Variants in XKR4 observed in about 807,000 individuals in gnomAD.
The protein encoded by XKR4 is XK-related protein 4.
In XKR4, 12 loss-of-function variants were observed where a neutral mutation model predicts 53.9. The observed-to-expected ratio is 0.22, with a 90% CI of 0.14 to 0.36. XKR4 has a LOEUF of 0.36. Ranked by LOEUF, XKR4 falls within the 10% of genes least tolerant of loss-of-function variation. The pLI is 1.00. For synonymous variants in XKR4, 354 were observed against 362.4 expected (o/e 0.98, Z 0.26); for missense variants, 799 against 859.5 (o/e 0.93, Z 0.88).
chr8:55,499,964 G>T (rs936831330), intron 2 of XKR4, among the ~76,000 whole-genome samples: 2 of 152,102 alleles, frequency 1.3e-5, no homozygotes, highest in Non-Finnish European at 2.9e-5. Flanking sequence ...TAAGAGGAAA[G>T]AAAATAATAG....
chr8:55,523,964 G>T lies in XKR4; in HGVS notation c.1690G>T (p.Ala564Ser). The change falls in exon 3 of 3, where the codon GCA (alanine) becomes TCA (serine). Residue 564 changes from alanine to serine, a missense_variant. This residue lies in a region of XKR4 where 269 missense variants were observed against 264.4 expected (regional missense o/e 1.02). Coordinates refer to ENST00000327381, the MANE Select transcript of XKR4 (RefSeq NM_052898.2). ...SVVSDRDQKF[A>S]ERDGCVPVFQ... ...TGTCAGCGACCGCGATCAGAAATTC[G>T]CAGAGCGGGATGGGTGTGTACCTGT... 6.2e-7 allele frequency: 1 copy of T among 1,614,160 alleles called. No individual in the cohort carries two copies. The highest frequency in any genetic ancestry group is 8.5e-7 in the Non-Finnish European group (1 of 1,180,028).
At chr8:55,436,548 T>C (rs1470099321) in intron 2 of XKR4, among the ~76,000 whole-genome samples, 1 of 152,204 alleles carries the variant, frequency 6.6e-6, no homozygotes, top group Non-Finnish European at 1.5e-5. Context: ...GGAAAAACAT[T>C]TGGACTTCCT....
intron 1 of XKR4, among the ~76,000 whole-genome samples, chr8:55,334,517 G>A (rs1040703502): frequency 6.6e-6 from 1 of 152,120 alleles, no homozygotes; most frequent in Admixed American, 6.6e-5. Context: ...AGCACTTAGT[G>A]TTTTAACCAG....
intron 1 of XKR4, among the ~76,000 whole-genome samples, chr8:55,356,530 T>G (rs1407932858): frequency 2.0e-5 from 3 of 152,202 alleles, no homozygotes; most frequent in Non-Finnish European, 4.4e-5. Context: ...TCAAACAAAC[T>G]TAAAAAATTG....
At chr8:55,123,895 A>G (rs949141972) in intron 1 of XKR4, among the ~76,000 whole-genome samples, 3 of 152,224 alleles carry the variant, frequency 2.0e-5, no homozygotes, top group Non-Finnish European at 4.4e-5. Flanking sequence ...TTTACAGTTA[A>G]CAATTCTCAT....
chr8:55,137,944 A>G (rs985010223), intron 1 of XKR4, among the ~76,000 whole-genome samples: 5 of 152,154 alleles, frequency 3.3e-5, no homozygotes, highest in African/African-American at 7.2e-5. Flanking sequence ...ATTATCTAGT[A>G]TAAAGGGCAC....
chr8:55,292,482 G>C (rs1443685311), intron 1 of XKR4, among the ~76,000 whole-genome samples: 1 of 151,938 alleles, frequency 6.6e-6, no homozygotes, highest in Non-Finnish European at 1.5e-5. Flanking sequence ...GATGTCTGTG[G>C]GGTCTGTAGT....
At chr8:55,453,728 G>A (rs573478090) in intron 2 of XKR4, 6 of 384,026 alleles carry the variant, frequency 1.6e-5, no homozygotes, top group South Asian at 6.3e-5. Flanking sequence ...GTTGTGCATC[G>A]CCAAGTCTGG....
intron 1 of XKR4, among the ~76,000 whole-genome samples, chr8:55,127,061 TAGTGGGTTGCATGG>T (rs1485675440): frequency 2.0e-5 from 3 of 152,160 alleles, no homozygotes; most frequent in Non-Finnish European, 4.4e-5. Context: ...AGTCCTGTGC[TAGTGGGTTGCATGG>T]AGTACTGTGG....
At chr8:55,358,498 C>T (rs893792037) in intron 2 of XKR4, among the ~76,000 whole-genome samples, 2 of 152,138 alleles carry the variant, frequency 1.3e-5, no homozygotes, top group African/African-American at 4.8e-5. Flanking sequence ...TGTGCTTTCT[C>T]ATATTTGATG....
At chr8:55,245,642 T>C (rs1818274787) in intron 1 of XKR4, among the ~76,000 whole-genome samples, 1 of 152,178 alleles carries the variant, frequency 6.6e-6, no homozygotes, top group South Asian at 2.1e-4. Flanking sequence ...TCTTAAATTT[T>C]CCACAGAAGC....
At chr8:55,373,655 C>G (rs1804108403) in intron 2 of XKR4, among the ~76,000 whole-genome samples, 1 of 152,076 alleles carries the variant, frequency 6.6e-6, no homozygotes, top group African/African-American at 2.4e-5. Context: ...TTTAAAAAAT[C>G]TAAAATATAT....
At chr8:55,410,986 C>T (rs1211377207) in intron 2 of XKR4, among the ~76,000 whole-genome samples, 3 of 152,210 alleles carry the variant, frequency 2.0e-5, no homozygotes, top group Non-Finnish European at 4.4e-5. Flanking sequence ...CGTGCCTCTG[C>T]CAGGAAGGCC....
rs189316575 is a variant in XKR4 at position 55,355,260 on chromosome 8, G to T, written c.807-2418G>T. ...CAGACATGAAAACTCAACTGGAAGG[G>T]ATATGGCACTATACACACACCACAG... On this transcript the variant is annotated intron_variant, in intron 1 of 2. Coordinates refer to ENST00000327381, the MANE Select transcript of XKR4 (RefSeq NM_052898.2). 1.9e-3 allele frequency among the ~76,000 whole-genome samples: 289 copies of T among 152,062 alleles called. 3 individuals carry two copies. Among genetic ancestry groups the T allele is most frequent in the Non-Finnish European group, 2.3e-3 (155 of 67,982 alleles).
intron 2 of XKR4, among the ~76,000 whole-genome samples, chr8:55,474,061 C>T (rs1805937359): frequency 6.6e-6 from 1 of 152,048 alleles, no homozygotes; most frequent in Non-Finnish European, 1.5e-5. Flanking sequence ...CACATCACCA[C>T]ACCCAACTGA....
At chr8:55,157,985 C>T (rs1005293083) in intron 1 of XKR4, among the ~76,000 whole-genome samples, 1 of 152,190 alleles carries the variant, frequency 6.6e-6, no homozygotes, top group African/African-American at 2.4e-5. Flanking sequence ...CATACGTGTG[C>T]ATGTGTCTTT....
intron 1 of XKR4, among the ~76,000 whole-genome samples, chr8:55,212,571 A>G (rs1048906166): frequency 6.6e-6 from 1 of 152,180 alleles, no homozygotes; most frequent in Admixed American, 6.6e-5. Context: ...GGCCTAAACT[A>G]GTACTTCAGG....
chr8:55,110,135 G>C (rs1379408571), intron 1 of XKR4, among the ~76,000 whole-genome samples: 1 of 152,136 alleles, frequency 6.6e-6, no homozygotes, highest in Non-Finnish European at 1.5e-5. Context: ...CACATAAAAG[G>C]CTCAGTATGG....
chr8:55,491,754 T>C (rs1014942335), intron 2 of XKR4, among the ~76,000 whole-genome samples: 4 of 152,022 alleles, frequency 2.6e-5, no homozygotes, highest in African/African-American at 4.8e-5. Context: ...CCTCAGCCTC[T>C]TGAGTAGCTA....
Sources: gnomAD v4.1 joint callset for allele counts (sites outside exome capture counted in the v4.1 genomes callset) on GRCh38, gnomAD v4.1.1 for gene constraint, gnomAD v4.1.1 regional missense constraint, MANE v1.5 for transcripts, NCBI Gene and HGNC (gene_info 2026-07-23, HGNC 2026-07-21) for gene names.